Variants in STK4 observed in about 807,000 individuals in gnomAD.
STK4 encodes serine/threonine-protein kinase 4.
In STK4, 30 loss-of-function variants were observed where a neutral mutation model predicts 64.9. That is an observed-to-expected ratio of 0.46 (90% CI 0.35 to 0.63). The LOEUF is 0.63. Among genes scored for constraint, STK4 ranks in the 20% least tolerant of loss-of-function variants. STK4 has a pLI of 0.01. For missense variants in STK4, 466 were observed against 598.5 expected (o/e 0.78, Z 2.31); for synonymous variants, 177 against 199.0 (o/e 0.89, Z 0.93).
chr20:45,030,722 C>A (rs909863373), intron 10 of STK4, among the ~76,000 whole-genome samples: 4 of 152,090 alleles, frequency 2.6e-5, no homozygotes, highest in Admixed American at 2.6e-4. Context: ...CTTAAAAATG[C>A]AATAGTCTCT....
intron 10 of STK4, among the ~76,000 whole-genome samples, chr20:45,065,292 A>G (rs1034827263): frequency 2.6e-5 from 4 of 152,198 alleles, no homozygotes; most frequent in Admixed American, 2.6e-4. Context: ...CATCTCAGGG[A>G]TAAAGACTAC....
At chr20:44,992,598 C>G (rs74174930) in intron 5 of STK4, among the ~76,000 whole-genome samples, 4 of 152,128 alleles carry the variant, frequency 2.6e-5, no homozygotes, top group African/African-American at 7.2e-5. Flanking sequence ...TCTTGAACTT[C>G]TGGGCTCAAG....
chr20:45,000,143 C>T (rs986100274), intron 7 of STK4, among the ~76,000 whole-genome samples: 4 of 152,126 alleles, frequency 2.6e-5, no homozygotes, highest in East Asian at 1.9e-4. Flanking sequence ...TATTGAGAAT[C>T]GCTAGATTTG....
At chr20:45,007,278 C>T (rs901246903) in intron 9 of STK4, among the ~76,000 whole-genome samples, 2 of 152,078 alleles carry the variant, frequency 1.3e-5, no homozygotes, top group South Asian at 2.1e-4. Context: ...GTTGGCTGGA[C>T]GCAGTAGCTC....
In STK4 at chr20:44,966,640, CA is replaced by C. The variant is rs760991687; in HGVS notation, c.35+38del. 8 of 1,263,072 alleles carry C rather than the reference CA, an allele frequency of 6.3e-6. No homozygotes were observed. The East Asian group carries it at 2.5e-4, about 40-fold the overall frequency. The allele number at this position is 1,263,072 out of a possible 1,614,324, so 78.2% of individuals were successfully genotyped here. A position where few individuals can be genotyped will look rare whatever the true frequency, so the allele number is the denominator to read the frequency against. ...CTGGCTAAGAGGACGGGCATGGGGT[CA>C]GGGGAAGAAAAGGCGGGAACTGGTT... On this transcript the variant is annotated intron_variant, in intron 1 of 10. Coordinates refer to ENST00000372806, the MANE Select transcript of STK4 (RefSeq NM_006282.5).
rs565476815 is a variant in STK4, at chr20:45,042,494, G to T, written c.1305+17364G>T. On this transcript the variant is annotated intron_variant, in intron 10 of 10. Coordinates refer to ENST00000372806, the MANE Select transcript of STK4 (RefSeq NM_006282.5). ...TCTCATTATCTAAGGTGTGTTCCTG[G>T]TGTCATTTCCCTCTCCCAACAGGAC... Among the ~76,000 whole-genome samples, 13 of 152,276 alleles carry T rather than the reference G, an allele frequency of 8.5e-5. No individual in the cohort carries two copies. In the East Asian group the frequency reaches 2.5e-3, roughly 29 times the overall value.
intron 4 of STK4, among the ~76,000 whole-genome samples, chr20:44,983,105 T>G (rs2067470685): frequency 6.6e-6 from 1 of 152,114 alleles, no homozygotes. Flanking sequence ...GTTTGGCATG[T>G]CTGAGTGATA....
At chr20:45,051,766 A>G (rs898082934) in intron 10 of STK4, among the ~76,000 whole-genome samples, 1 of 152,220 alleles carries the variant, frequency 6.6e-6, no homozygotes, top group African/African-American at 2.4e-5. Context: ...GCTTATGTTT[A>G]GGTCAGGCTT....
At chr20:44,976,305 G>A (rs1168464980) in intron 2 of STK4, among the ~76,000 whole-genome samples, 1 of 152,222 alleles carries the variant, frequency 6.6e-6, no homozygotes, top group Non-Finnish European at 1.5e-5. Context: ...GTCTAATACA[G>A]TTTTGGTAGG....
intron 8 of STK4, 86 bp from the exon 9 acceptor site, chr20:45,001,081 T>C: frequency 7.1e-7 from 1 of 1,400,174 alleles, no homozygotes; most frequent in East Asian, 2.4e-5. Context: ...TCTCGAAATA[T>C]TTTCACTAAG....
At chr20:45,026,022 A>G (rs972581733) in intron 10 of STK4, among the ~76,000 whole-genome samples, 6 of 152,188 alleles carry the variant, frequency 3.9e-5, no homozygotes, top group Non-Finnish European at 8.8e-5. Flanking sequence ...TTTGAGGACC[A>G]GAATAACTCA....
At chr20:44,992,183 C>A (rs1568697384) in intron 5 of STK4, among the ~76,000 whole-genome samples, 4 of 151,652 alleles carry the variant, frequency 2.6e-5, no homozygotes, top group South Asian at 2.1e-4. Flanking sequence ...TCTTTGATGT[C>A]ATGCTTAAAA....
intron 10 of STK4, among the ~76,000 whole-genome samples, chr20:45,070,942 G>A (rs1223262907): frequency 6.6e-6 from 1 of 151,818 alleles, no homozygotes; most frequent in Non-Finnish European, 1.5e-5. Context: ...AGAATAGCAT[G>A]GGAAAGACCT....
At chr20:45,025,481 C>T (rs2068328259) in intron 10 of STK4, among the ~76,000 whole-genome samples, 1 of 152,152 alleles carries the variant, frequency 6.6e-6, no homozygotes, top group Non-Finnish European at 1.5e-5. Flanking sequence ...GCAATTGACA[C>T]TGTTTTGTGG....
At chr20:45,055,842 C>G (rs1019603156) in intron 10 of STK4, among the ~76,000 whole-genome samples, 5 of 152,062 alleles carry the variant, frequency 3.3e-5, no homozygotes, top group Admixed American at 1.3e-4. Context: ...AAGCAATTCT[C>G]CTGTCTCAGC....
At chr20:45,017,339 G>A (rs976758052) in intron 9 of STK4, among the ~76,000 whole-genome samples, 8 of 152,150 alleles carry the variant, frequency 5.3e-5, no homozygotes, top group Non-Finnish European at 1.2e-4. Context: ...ATGCGACGTA[G>A]GAGAAAGGAC....
chr20:44,978,893 G>A (rs998133692), intron 3 of STK4, among the ~76,000 whole-genome samples: 32 of 151,122 alleles, frequency 2.1e-4, no homozygotes, highest in African/African-American at 7.8e-4. Flanking sequence ...CCACCTCCCA[G>A]GTTCAAGTGA....
Position 45,025,074 on chromosome 20 carries a change from G to C in STK4, c.1249G>C (p.Gly417Arg). 1.2e-6 allele frequency: 2 copies of C among 1,612,802 alleles called. No homozygotes were observed. The highest frequency in any genetic ancestry group is 1.7e-6 in the Non-Finnish European group (2 of 1,179,334). ...QINSFGKSVPGPLKNSSDWKI... is the reference protein window; with the variant it reads ...QINSFGKSVPRPLKNSSDWKI... The stretch of plus-strand genomic sequence containing the variant: ...CAACAGCTTTGGCAAGAGTGTACCT[G>C]GTCCACTGAAAAATTCTTCAGATTG... Residue 417 changes from glycine to arginine, a missense_variant, in exon 10 of 11, where the codon GGT (glycine) becomes CGT (arginine). Gly to Arg is a moderately radical substitution (Grantham distance 125). This residue lies in a region of STK4 where 276 missense variants were observed against 308.9 expected (regional missense o/e 0.89). Transcript: ENST00000372806.
At chr20:45,071,118 G>C (rs73113469) in intron 10 of STK4, among the ~76,000 whole-genome samples, 1 of 152,078 alleles carries the variant, frequency 6.6e-6, no homozygotes, top group South Asian at 2.1e-4. Context: ...TATCCAGTGG[G>C]AGCTGATCTG....
Sources: gnomAD v4.1 joint callset for allele counts (sites outside exome capture counted in the v4.1 genomes callset) on GRCh38, gnomAD v4.1.1 for gene constraint, gnomAD v4.1.1 regional missense constraint, MANE v1.5 for transcripts, NCBI Gene and HGNC (gene_info 2026-07-23, HGNC 2026-07-21) for gene names.